The following ADK variants were observed in gnomAD, a reference collection of about 807,000 sequenced individuals.
The protein encoded by ADK is N6,N6-dimethyladenosine kinase.
ADK carries 24 observed loss-of-function variants against 44.7 expected under a neutral mutation model. That is an observed-to-expected ratio of 0.54 (90% CI 0.39 to 0.76). The LOEUF (loss-of-function observed/expected upper bound fraction) is 0.76, where lower values mean the gene tolerates loss of function less well. Ranked by LOEUF, ADK falls within the 30% of genes least tolerant of loss-of-function variation. ADK has a pLI of 0.00. For synonymous variants in ADK, 128 were observed against 142.6 expected (o/e 0.90, Z 0.73); for missense variants, 321 against 425.1 (o/e 0.76, Z 2.15).
rs1767773218 is a variant in ADK, at chr10:74,416,140, T to G, written c.555+17561T>G. Among the ~76,000 whole-genome samples the G allele has an allele frequency of 2.6e-5, 4 of 151,680 alleles. No homozygotes were observed. The South Asian group carries it at 8.3e-4, about 32-fold the overall frequency. ...AATACCAGTTTTTTTCTGATTTAGGTGGATGACATGGTACGTGAAGCTTAA... is the reference window on the plus strand; with the variant it reads ...AATACCAGTTTTTTTCTGATTTAGGGGGATGACATGGTACGTGAAGCTTAA... On this transcript the variant is annotated intron_variant, in intron 6 of 10. Coordinates refer to ENST00000539909, the MANE Select transcript of ADK (RefSeq NM_006721.4).
At chr10:74,583,182 T>C (rs1286398520) in intron 7 of ADK, among the ~76,000 whole-genome samples, 1 of 152,190 alleles carries the variant, frequency 6.6e-6, no homozygotes, top group African/African-American at 2.4e-5. Flanking sequence ...TGTGATATAT[T>C]GTATGAAAAG....
At chr10:74,539,165 A>AG (rs1475234138) in intron 7 of ADK, among the ~76,000 whole-genome samples, 2 of 152,134 alleles carry the variant, frequency 1.3e-5, no homozygotes, top group African/African-American at 4.8e-5. Context: ...TTTTTAAAAA[A>AG]TTTTGTCAAG....
chr10:74,279,589 A>C (rs1219396567), intron 3 of ADK, among the ~76,000 whole-genome samples: 1 of 152,110 alleles, frequency 6.6e-6, no homozygotes, highest in Non-Finnish European at 1.5e-5. Flanking sequence ...AAAAAAAAAA[A>C]AAAAAATTGA....
chr10:74,555,543 C>G (rs1039180046), intron 7 of ADK, among the ~76,000 whole-genome samples: 1 of 148,042 alleles, frequency 6.8e-6, no homozygotes, highest in Admixed American at 6.8e-5. Context: ...CCCAGGAGTT[C>G]GAAGCTGCAG....
intron 4 of ADK, among the ~76,000 whole-genome samples, chr10:74,393,460 CTA>C (rs971053976): frequency 5.3e-5 from 8 of 152,090 alleles, no homozygotes; most frequent in Non-Finnish European, 1.0e-4. Context: ...AACTGTAACA[CTA>C]TTTCTGAATT....
intron 7 of ADK, among the ~76,000 whole-genome samples, chr10:74,558,600 G>A (rs1329308770): frequency 6.6e-6 from 1 of 152,136 alleles, no homozygotes; most frequent in Non-Finnish European, 1.5e-5. Flanking sequence ...AGTTTCCTGA[G>A]GCCTCCCCAG....
At chr10:74,509,817 A>C (rs887193932) in intron 6 of ADK, among the ~76,000 whole-genome samples, 41 of 152,168 alleles carry the variant, frequency 2.7e-4, no homozygotes, top group African/African-American at 9.9e-4. Flanking sequence ...TCTTCTACTT[A>C]TGAGTGAAAA....
chr10:74,348,110 G>A (rs909210141), intron 4 of ADK, among the ~76,000 whole-genome samples: 2 of 152,180 alleles, frequency 1.3e-5, no homozygotes, highest in East Asian at 1.9e-4. Flanking sequence ...CCTCAAGTGA[G>A]TTGAGGAGAC....
At chr10:74,321,910 T>C (rs542841217) in intron 4 of ADK, among the ~76,000 whole-genome samples, 1 of 152,340 alleles carries the variant, frequency 6.6e-6, no homozygotes, top group East Asian at 1.9e-4. Context: ...GGAATTATGT[T>C]TGAATGAAAT....
At chr10:74,423,608 C>T (rs1324780737) in intron 6 of ADK, 6 of 304,448 alleles carry the variant, frequency 2.0e-5, no homozygotes, top group South Asian at 6.3e-5. Flanking sequence ...AGTCAACTGT[C>T]GTCGTCTGCA....
intron 9 of ADK, among the ~76,000 whole-genome samples, chr10:74,648,843 T>C (rs760748721): frequency 1.3e-5 from 2 of 152,122 alleles, no homozygotes; most frequent in African/African-American, 4.8e-5. Context: ...TAGATTGTTA[T>C]GAATTTAGGA....
intron 9 of ADK, among the ~76,000 whole-genome samples, chr10:74,659,259 G>A (rs1183257983): frequency 6.6e-6 from 1 of 151,996 alleles, no homozygotes; most frequent in Non-Finnish European, 1.5e-5. Flanking sequence ...TAAACAAAGG[G>A]GAAATAAGGT....
At chr10:74,590,048 T>TA (rs1851663972) in intron 8 of ADK, among the ~76,000 whole-genome samples, 1 of 152,188 alleles carries the variant, frequency 6.6e-6, no homozygotes, top group South Asian at 2.1e-4. Context: ...CCGTGTTTTT[T>TA]ATCTGTATAA....
Position 74,271,118 on chromosome 10 carries a change from T to C in ADK, c.195-43549T>C, listed in dbSNP as rs1846413843. 2.0e-5 allele frequency among the ~76,000 whole-genome samples: 3 copies of C among 152,292 alleles called. 1 individual carries two copies. The highest frequency in any genetic ancestry group is 6.8e-3 in the Middle Eastern group (2 of 294). On this transcript the variant is annotated intron_variant, in intron 3 of 10. Coordinates refer to ENST00000539909, the MANE Select transcript of ADK (RefSeq NM_006721.4). ...GAACAAATAAAACTTAACCTACTTATAAACAGAGGCTTCTGTATTGAGAAT... is the reference window on the plus strand; with the variant it reads ...GAACAAATAAAACTTAACCTACTTACAAACAGAGGCTTCTGTATTGAGAAT...
intron 6 of ADK, among the ~76,000 whole-genome samples, chr10:74,489,457 A>G (rs892692202): frequency 6.6e-6 from 1 of 152,014 alleles, no homozygotes; most frequent in Non-Finnish European, 1.5e-5. Context: ...AGATGCATGT[A>G]GTATACACAG....
At chr10:74,545,078 T>C (rs1849779174) in intron 7 of ADK, among the ~76,000 whole-genome samples, 1 of 152,174 alleles carries the variant, frequency 6.6e-6, no homozygotes, top group African/African-American at 2.4e-5. Context: ...CTTATGTCTG[T>C]GTTCAGGGTC....
intron 6 of ADK, among the ~76,000 whole-genome samples, chr10:74,486,085 C>G (rs1288154929): frequency 1.3e-5 from 2 of 152,126 alleles, no homozygotes; most frequent in Non-Finnish European, 2.9e-5. Flanking sequence ...ATAATCCCCA[C>G]GTGTCAAAGG....
chr10:74,263,890 T>C (rs563143867), intron 3 of ADK, among the ~76,000 whole-genome samples: 1 of 152,328 alleles, frequency 6.6e-6, no homozygotes, highest in East Asian at 1.9e-4. Flanking sequence ...TACATCACAA[T>C]TTATTCTTTG....
chr10:74,626,580 G>T (rs973239059), intron 9 of ADK, among the ~76,000 whole-genome samples: 1 of 152,192 alleles, frequency 6.6e-6, no homozygotes, highest in Admixed American at 6.5e-5. Flanking sequence ...TGGGATTACA[G>T]GCATGAGCCA....
Sources: gnomAD v4.1 joint callset for allele counts (sites outside exome capture counted in the v4.1 genomes callset) on GRCh38, gnomAD v4.1.1 for gene constraint, MANE v1.5 for transcripts, NCBI Gene and HGNC (gene_info 2026-07-23, HGNC 2026-07-21) for gene names.